RGS5: variants seen among roughly 807,000 people sequenced by gnomAD.
RGS5 encodes regulator of G protein signaling 5.
In RGS5, 20 loss-of-function variants were observed where a neutral mutation model predicts 18.9. The observed-to-expected ratio is 1.06, with a 90% CI of 0.74 to 1.54. RGS5 has a LOEUF of 1.54. RGS5 is among the 40% of genes most tolerant of loss of function. The pLI, the probability that RGS5 is intolerant of heterozygous loss-of-function variation, is 0.00. For missense variants in RGS5, 201 were observed against 211.8 expected (o/e 0.95, Z 0.32); for synonymous variants, 57 against 76.2 (o/e 0.75, Z 1.31).
At chr1:163,199,779 C>CAGG (rs1310179089) in intron 1 of RGS5, among the ~76,000 whole-genome samples, 3 of 151,952 alleles carry the variant, frequency 2.0e-5, no homozygotes, top group African/African-American at 7.3e-5. Flanking sequence ...CTTCATTCCT[C>CAGG]CCAAACTTTA....
At chr1:163,304,271 C>A (rs564332642) in intron 2 of RGS5, 1 of 152,296 alleles carries the variant, frequency 6.6e-6, no homozygotes, top group South Asian at 2.1e-4. Context: ...CCCTAAATCG[C>A]TGGTACTTCT....
At chr1:163,288,184 T>C (rs930503703) in intron 2 of RGS5, among the ~76,000 whole-genome samples, 12 of 151,878 alleles carry the variant, frequency 7.9e-5, no homozygotes, top group Admixed American at 3.9e-4. Context: ...CAAATTTAGA[T>C]CCAAAAAAGT....
chr1:163,187,634 C>T (rs948247169), intron 1 of RGS5, among the ~76,000 whole-genome samples: 14 of 152,176 alleles, frequency 9.2e-5, no homozygotes, highest in African/African-American at 3.4e-4. Context: ...TAGCTGGACA[C>T]CTGGAGGTTC....
chr1:163,165,773 G>A (rs370951659), intron 2 of RGS5, among the ~76,000 whole-genome samples: 140 of 152,270 alleles, frequency 9.2e-4, no homozygotes, highest in African/African-American at 3.2e-3. Context: ...GGGCGTGGTG[G>A]CACATGCCTG....
At chr1:163,151,813 C>T (rs1657385742) in intron 4 of RGS5, among the ~76,000 whole-genome samples, 1 of 152,170 alleles carries the variant, frequency 6.6e-6, no homozygotes, top group Non-Finnish European at 1.5e-5. Context: ...AGGAATAATA[C>T]ACTGGTTGAA....
At chr1:163,250,567 A>C (rs1421589059) in intron 2 of RGS5, among the ~76,000 whole-genome samples, 1 of 152,208 alleles carries the variant, frequency 6.6e-6, no homozygotes, top group African/African-American at 2.4e-5. Flanking sequence ...GAATGGAGAA[A>C]GTCTTATATT....
intron 1 of RGS5, among the ~76,000 whole-genome samples, chr1:163,320,867 T>G (rs1479780655): frequency 6.6e-6 from 1 of 152,194 alleles, no homozygotes; most frequent in East Asian, 1.9e-4. Context: ...GTGTCTACAT[T>G]CAATACAACC....
chr1:163,204,449 A>C (rs1219508605), upstream of RGS5, among the ~76,000 whole-genome samples: 1 of 152,088 alleles, frequency 6.6e-6, no homozygotes, highest in Non-Finnish European at 1.5e-5. Flanking sequence ...TCCTGGGCAC[A>C]AGCGATCCTC....
rs1484106099 is a variant in RGS5, at chr1:163,217,563, A to C, written c.32T>G (p.Leu11Arg). ...ATGAGCACTGTGCATCTGTAAGATG[A>C]GAATATCCTGTGAAATGTTTCTTGC... The change falls in exon 1 of 6, where the codon CTC becomes CGC. Residue 11 changes from leucine to arginine, a missense_variant. By Grantham distance (102) the Leu-to-Arg change is moderately radical. Coordinates refer to the RGS5 transcript ENST00000367903. The C allele has an allele frequency of 1.3e-6, 2 of 1,547,176 alleles. 1 individual carries two copies. Among genetic ancestry groups the C allele is most frequent in the South Asian group, 2.4e-5 (2 of 83,232 alleles).
chr1:163,300,429 T>G (rs543888621), intron 2 of RGS5: 3 of 152,376 alleles, frequency 2.0e-5, no homozygotes, highest in Admixed American at 2.0e-4. Flanking sequence ...ACTTTCTCCA[T>G]CTTACTTTAA....
At chr1:163,210,113 C>T (rs1455475075) in intron 1 of RGS5, among the ~76,000 whole-genome samples, 5 of 152,006 alleles carry the variant, frequency 3.3e-5, no homozygotes, top group African/African-American at 1.2e-4. Context: ...CCTCAACTTC[C>T]CAAGTTCCTA....
chr1:163,209,808 T>G (rs1660058591), intron 1 of RGS5, among the ~76,000 whole-genome samples: 1 of 152,162 alleles, frequency 6.6e-6, no homozygotes, highest in Non-Finnish European at 1.5e-5. Context: ...GTTTTCTTTT[T>G]CTTTACCAAA....
intron 2 of RGS5, among the ~76,000 whole-genome samples, chr1:163,298,225 T>G (rs565726677): frequency 6.6e-6 from 1 of 152,094 alleles, no homozygotes; most frequent in Non-Finnish European, 1.5e-5. Flanking sequence ...AGAAGACATA[T>G]GCATGTATAC....
chr1:163,247,012 A>C (rs1190604826), intron 2 of RGS5, among the ~76,000 whole-genome samples: 1 of 152,230 alleles, frequency 6.6e-6, no homozygotes, highest in Non-Finnish European at 1.5e-5. Flanking sequence ...GTTCTCACTT[A>C]TAAGCGAGAG....
At chr1:163,232,575 A>G (rs1647509305) in intron 2 of RGS5, among the ~76,000 whole-genome samples, 1 of 152,200 alleles carries the variant, frequency 6.6e-6, no homozygotes, top group South Asian at 2.1e-4. Context: ...AACAGGTAGA[A>G]ATGAATGTCA....
chr1:163,202,958 C>A, upstream of RGS5: 1 of 873,640 alleles, frequency 1.1e-6, no homozygotes, highest in South Asian at 1.7e-5. Context: ...AGCTCTTTCC[C>A]AGCCCTCTGT....
chr1:163,239,767 A>G (rs951788696), intron 2 of RGS5, among the ~76,000 whole-genome samples: 2 of 152,210 alleles, frequency 1.3e-5, no homozygotes, highest in Non-Finnish European at 2.9e-5. Context: ...TTATTTTGAA[A>G]TAGTTCCAAC....
chr1:163,223,908 T>C (rs1276606469), intron 2 of RGS5, among the ~76,000 whole-genome samples: 2 of 152,156 alleles, frequency 1.3e-5, no homozygotes, highest in African/African-American at 2.4e-5. Context: ...GGTAAGGCTT[T>C]TTGAGTTTTA....
At position 163,294,551 on chromosome 1, in the gene RGS5, T is replaced by C. The variant is rs191904189; in HGVS notation, c.-281+11682A>G. The stretch of plus-strand genomic sequence containing the variant: ...CTCTCTTAGACTTCTGGGTCTGTGA[T>C]GGGAGGGGCTTCCATGAAGATCTCT... On this transcript the variant is annotated intron_variant, in intron 2 of 5. Coordinates refer to the RGS5 transcript ENST00000618415. Among the ~76,000 whole-genome samples the C allele has an allele frequency of 4.5e-4, 69 of 152,342 alleles. No individual in the cohort carries two copies. In the South Asian group the frequency reaches 4.6e-3, roughly 10 times the overall value.
Sources: allele counts gnomAD v4.1 joint callset (sites outside exome capture counted in the v4.1 genomes callset), GRCh38; gene constraint gnomAD v4.1.1; transcripts MANE v1.5; gene names NCBI Gene and HGNC (gene_info 2026-07-23, HGNC 2026-07-21).